The following ENOX1 variants were observed in gnomAD, a reference collection of about 807,000 sequenced individuals.
ENOX1 encodes the protein candidate growth-related and time keeping constitutive hydroquinone (NADH) oxidase.
ENOX1 carries 42 observed loss-of-function variants against 82.5 expected under a neutral mutation model. The observed-to-expected ratio is 0.51, with a 90% CI of 0.40 to 0.66. ENOX1 has a LOEUF of 0.66. Ranked by LOEUF, ENOX1 falls within the 30% of genes least tolerant of loss-of-function variation. The pLI, the probability that ENOX1 is intolerant of heterozygous loss-of-function variation, is 0.00. For missense variants in ENOX1, 608 were observed against 811.6 expected (o/e 0.75, Z 3.05); for synonymous variants, 271 against 282.2 (o/e 0.96, Z 0.40).
chr13:43,548,330 C>T (rs1648425771), intron 2 of ENOX1, among the ~76,000 whole-genome samples: 2 of 152,064 alleles, frequency 1.3e-5, no homozygotes, highest in Admixed American at 6.6e-5. Context: ...CAATAGAAAC[C>T]AAATTCAATG....
intron 3 of ENOX1, among the ~76,000 whole-genome samples, chr13:43,454,044 T>C (rs2057103827): frequency 6.6e-6 from 1 of 152,170 alleles, no homozygotes; most frequent in Non-Finnish European, 1.5e-5. Flanking sequence ...TCTCTTGTTT[T>C]TGCTTTATTT....
At chr13:43,251,073 T>C (rs891312593) in intron 14 of ENOX1, among the ~76,000 whole-genome samples, 5 of 151,890 alleles carry the variant, frequency 3.3e-5, no homozygotes, top group African/African-American at 4.8e-5. Flanking sequence ...TTTAAAAAGC[T>C]ATCTTTGATT....
At chr13:43,386,145 G>A (rs1285273267) in intron 5 of ENOX1, among the ~76,000 whole-genome samples, 1 of 152,076 alleles carries the variant, frequency 6.6e-6, no homozygotes, top group Non-Finnish European at 1.5e-5. Context: ...CAGCCTGGGC[G>A]ACAGAACAAG....
chr13:43,697,356 ACT>A (rs1274825549), intron 1 of ENOX1, among the ~76,000 whole-genome samples: 2 of 152,186 alleles, frequency 1.3e-5, no homozygotes, highest in Admixed American at 6.5e-5. Context: ...CAAAGAGGAA[ACT>A]CAGTCCACTG....
chr13:43,614,542 CTTTTTTT>C (rs9316046), intron 2 of ENOX1, among the ~76,000 whole-genome samples: 1 of 129,832 alleles, frequency 7.7e-6, no homozygotes, highest in Non-Finnish European at 1.6e-5. Context: ...AAATAAAGGG[CTTTTTTT>C]TTTTTTTTTA....
intron 2 of ENOX1, among the ~76,000 whole-genome samples, chr13:43,595,230 T>C (rs545955102): frequency 5.7e-4 from 87 of 151,778 alleles, no homozygotes; most frequent in Non-Finnish European, 9.0e-4. Context: ...AGATATTGAA[T>C]GAATAGAAGT....
At chr13:43,714,110 T>G (rs1193527592) in intron 1 of ENOX1, among the ~76,000 whole-genome samples, 2,132 of 150,730 alleles carry the variant, frequency 0.014, 44 homozygotes, top group African/African-American at 0.048. Context: ...TCTGGTATGT[T>G]GTGTCTTTGT....
At chr13:43,774,820 A>G (rs1446718621) in intron 1 of ENOX1, among the ~76,000 whole-genome samples, 1 of 152,062 alleles carries the variant, frequency 6.6e-6, no homozygotes, top group Non-Finnish European at 1.5e-5. Flanking sequence ...TTTACCATCC[A>G]TGCCACAAGC....
intron 5 of ENOX1, among the ~76,000 whole-genome samples, chr13:43,374,946 C>G (rs1384195917): frequency 2.0e-5 from 3 of 152,168 alleles, no homozygotes; most frequent in Non-Finnish European, 4.4e-5. Flanking sequence ...CAGGGTTTAG[C>G]TGAATGTCAA....
At chr13:43,785,853 G>C (rs930105797) in intron 1 of ENOX1, among the ~76,000 whole-genome samples, 1 of 152,182 alleles carries the variant, frequency 6.6e-6, no homozygotes, top group Non-Finnish European at 1.5e-5. Context: ...GCCGTGCAGG[G>C]GGAGGACGTG....
intron 3 of ENOX1, among the ~76,000 whole-genome samples, chr13:43,474,674 A>C (rs956303254): frequency 3.3e-5 from 5 of 152,166 alleles, no homozygotes. Flanking sequence ...TCTTTATTCT[A>C]TTTCAAAGTT....
chr13:43,713,270 A>T (rs908683299), intron 1 of ENOX1, among the ~76,000 whole-genome samples: 13 of 152,252 alleles, frequency 8.5e-5, no homozygotes, highest in African/African-American at 2.6e-4. Flanking sequence ...AGCCCACTTG[A>T]TCATGGTGGA....
chr13:43,730,998 T>C (rs1026376359), intron 1 of ENOX1, among the ~76,000 whole-genome samples: 7 of 152,158 alleles, frequency 4.6e-5, no homozygotes, highest in African/African-American at 1.7e-4. Flanking sequence ...ATGTGTCTCA[T>C]CCTTGGGGGC....
rs769222539 is a variant in ENOX1 at position 43,224,081 on chromosome 13, C to T, written c.1772G>A (p.Trp591Ter). 1 of 1,613,890 alleles carries T rather than the reference C, an allele frequency of 6.2e-7. No individual in the cohort carries two copies. Among genetic ancestry groups the T allele is most frequent in the Non-Finnish European group, 8.5e-7 (1 of 1,179,860 alleles). Residue 591 changes from tryptophan (W) to a stop codon, truncating the protein, a stop_gained, in exon 16 of 17, where the codon TGG (tryptophan) becomes TAG (stop). Transcript: ENST00000690772. LOFTEE classifies it high-confidence loss of function. ...HPFGANIEYLWSYMQQLDSKI... is the reference protein window; with the variant it reads ...HPFGANIEYL ...GGAGTCCAGCTGCTGCATGTATGAC[C>T]AAAGATATTCTATGTTGGCTCCAAA...
intron 14 of ENOX1, among the ~76,000 whole-genome samples, chr13:43,248,300 A>C (rs55977665): frequency 0.048 from 7,336 of 152,126 alleles, 242 homozygotes; most frequent in East Asian, 0.15. Context: ...ACTGGCCATC[A>C]TAAGGGTTTG....
At chr13:43,553,529 C>T (rs577181978) in intron 2 of ENOX1, among the ~76,000 whole-genome samples, 18 of 152,226 alleles carry the variant, frequency 1.2e-4, no homozygotes, top group East Asian at 5.8e-4. Context: ...GTCATTTGTA[C>T]GATTCACTTT....
chr13:43,516,019 C>G (rs2077547111), intron 2 of ENOX1, among the ~76,000 whole-genome samples: 1 of 152,156 alleles, frequency 6.6e-6, no homozygotes, highest in Admixed American at 6.5e-5. Flanking sequence ...CTATTTTCCA[C>G]AGGAAACTAG....
intron 16 of ENOX1, among the ~76,000 whole-genome samples, chr13:43,214,889 A>AT (rs2041388950): frequency 6.6e-6 from 1 of 152,184 alleles, no homozygotes; most frequent in African/African-American, 2.4e-5. Context: ...GGGGTCTGAT[A>AT]TTCTGTTTGA....
intron 1 of ENOX1, among the ~76,000 whole-genome samples, chr13:43,745,906 C>T (rs113547926): frequency 3.3e-5 from 5 of 152,236 alleles, no homozygotes; most frequent in East Asian, 3.9e-4. Flanking sequence ...CTTCCCCTTC[C>T]GCCATGATTG....
Sources: gnomAD v4.1 joint callset for allele counts (sites outside exome capture counted in the v4.1 genomes callset) on GRCh38, gnomAD v4.1.1 for gene constraint, MANE v1.5 for transcripts, NCBI Gene and HGNC (gene_info 2026-07-23, HGNC 2026-07-21) for gene names.